The following COPZ1 variants were observed in gnomAD, a reference collection of about 807,000 sequenced individuals.
COPZ1 encodes the protein coatomer subunit zeta-1.
A neutral mutation model predicts 31.7 loss-of-function variants in COPZ1; 4 were observed. That is an observed-to-expected ratio of 0.13 (90% confidence interval 0.06 to 0.29). The LOEUF is 0.29. COPZ1 is among the 10% of genes least tolerant of loss of function. The probability of loss-of-function intolerance (pLI) is 1.00; values close to 1 mark genes in which losing one functional copy is unlikely to be tolerated. For synonymous variants in COPZ1, 74 were observed against 79.0 expected (o/e 0.94, Z 0.33); for missense variants, 156 against 211.5 (o/e 0.74, Z 1.63).
At chr12:54,342,365 A>G (rs1390685467) in intron 3 of COPZ1, 78 bp downstream of exon 3, 1 of 1,039,956 alleles carries the variant, frequency 9.6e-7, no homozygotes, top group Non-Finnish European at 1.5e-6. Flanking sequence ...GGCTGCAGAG[A>G]AAGGATGAAA....
intron 7 of COPZ1, 72 bp downstream of exon 7, chr12:54,348,123 T>C: frequency 2.1e-6 from 3 of 1,400,532 alleles, no homozygotes; most frequent in Non-Finnish European, 3.0e-6. Flanking sequence ...ACCTGCTGGA[T>C]GTGTCCAGTA....
intron 4 of COPZ1, among the ~76,000 whole-genome samples, chr12:54,343,709 T>A (rs1048233306): frequency 6.6e-6 from 1 of 152,196 alleles, no homozygotes; most frequent in Non-Finnish European, 1.5e-5. Context: ...ACATTCTGAA[T>A]GGATCACTGG....
chr12:54,340,719 A>G lies in COPZ1; in HGVS notation c.87+104A>G, dbSNP rs906085012. ...TTAACTTATGTTCCTCAGTAGTATA[A>G]TTTTGAGAATACTTCCATCTTTTTT... On this transcript the variant is annotated intron_variant, in intron 2 of 8. Coordinates refer to ENST00000262061, the MANE Select transcript of COPZ1 (RefSeq NM_016057.3). The G allele has an allele frequency of 7.6e-6, 9 of 1,180,926 alleles. No homozygotes were observed. The South Asian group carries it at 1.2e-4, about 16-fold the overall frequency. The allele number at this position is 1,180,926 out of a possible 1,614,324, so 73.2% of individuals were successfully genotyped here. A position where few individuals can be genotyped will look rare whatever the true frequency, so the allele number is the denominator to read the frequency against.
chr12:54,349,048 C>T (rs1163878851), intron 7 of COPZ1, among the ~76,000 whole-genome samples: 1 of 152,206 alleles, frequency 6.6e-6, no homozygotes, highest in Admixed American at 6.5e-5. Context: ...TGGGAAATCT[C>T]TCTTAACTGC....
rs1954090142 is a variant in COPZ1 at position 54,347,810 on chromosome 12, C to G, written c.361C>G (p.Leu121Val). Residue 121 changes from leucine (L) to valine (V), a missense_variant, in exon 6 of 9, where the codon CTG becomes GTG. Physicochemically the swap from Leu to Val is conservative, Grantham distance 32. Coordinates refer to ENST00000262061, the MANE Select transcript of COPZ1 (RefSeq NM_016057.3). ...AGCACTGCTGGAGAACATGGAGGGGCTGTTCTTGGCTGTGGATGAAATTGT... is the reference window on the plus strand; with the variant it reads ...AGCACTGCTGGAGAACATGGAGGGGGTGTTCTTGGCTGTGGATGAAATTGT... Reference protein sequence around the residue: ...KRALLENMEGLFLAVDEIVDG... With the variant: ...KRALLENMEGVFLAVDEIVDG... 1 of 1,612,256 alleles carries G rather than the reference C, an allele frequency of 6.2e-7. No individual in the cohort carries two copies. Among genetic ancestry groups the G allele is most frequent in the African/African-American group, 1.3e-5 (1 of 74,866 alleles).
Position 54,347,997 on chromosome 12 carries a change from C to A in COPZ1, c.396-3C>A. The stretch of plus-strand genomic sequence containing the variant: ...AACAATGATCTCTTCTTTGTTTTTG[C>A]AGGGTGATCCTAGAGAGTGATCCCC... On this transcript the variant is annotated splice_polypyrimidine_tract_variant and splice_region_variant and intron_variant, in intron 6 of 8. Transcript: ENST00000262061. 6.2e-7 allele frequency: 1 copy of A among 1,613,706 alleles called. No homozygotes were observed. Among genetic ancestry groups the A allele is most frequent in the Non-Finnish European group, 8.5e-7 (1 of 1,179,802 alleles).
At chr12:54,336,840 G>A (rs1015339637) in intron 1 of COPZ1, among the ~76,000 whole-genome samples, 1 of 151,688 alleles carries the variant, frequency 6.6e-6, no homozygotes, top group African/African-American at 2.4e-5. Context: ...TGGCCAATTT[G>A]GTGAAACCCC....
intron 1 of COPZ1, among the ~76,000 whole-genome samples, chr12:54,327,156 T>G (rs1953671065): frequency 6.6e-6 from 1 of 151,248 alleles, no homozygotes; most frequent in South Asian, 2.1e-4. Flanking sequence ...AATTTTTGTA[T>G]TTTTAGTAGA....
chr12:54,337,659 G>C (rs1953897318), intron 1 of COPZ1, among the ~76,000 whole-genome samples: 1 of 152,204 alleles, frequency 6.6e-6, no homozygotes, highest in African/African-American at 2.4e-5. Flanking sequence ...GAAGCTGCTG[G>C]CTCCAGCTGT....
At chr12:54,348,110 C>T (rs1446384366) in intron 7 of COPZ1, 59 bp downstream of exon 7, 42 of 1,518,612 alleles carry the variant, frequency 2.8e-5, no homozygotes, top group Non-Finnish European at 3.6e-5. Context: ...CCTCCAGAGC[C>T]AGACCTGCTG....
chr12:54,342,735 T>A (rs1199235174), intron 3 of COPZ1: 2 of 177,140 alleles, frequency 1.1e-5, no homozygotes, highest in African/African-American at 4.8e-5. Context: ...AAGTTCATAC[T>A]TCTCTTCTCC....
chr12:54,328,930 T>G (rs1044617889), intron 1 of COPZ1, among the ~76,000 whole-genome samples: 4 of 152,210 alleles, frequency 2.6e-5, no homozygotes, highest in Non-Finnish European at 5.9e-5. Flanking sequence ...TTTGCATTGA[T>G]TGTGGAATTT....
intron 1 of COPZ1, among the ~76,000 whole-genome samples, chr12:54,337,019 C>CA (rs1182592654): frequency 0.082 from 5,005 of 61,308 alleles, 324 homozygotes; most frequent in East Asian, 0.11. Flanking sequence ...GAGACTGTCG[C>CA]AAAAAAAAAA....
chr12:54,334,038 G>T (rs150149952), intron 1 of COPZ1, among the ~76,000 whole-genome samples: 2 of 152,096 alleles, frequency 1.3e-5, no homozygotes, highest in Non-Finnish European at 1.5e-5. Context: ...TGAGGCTGCA[G>T]TGAGCTGTGA....
intron 8 of COPZ1, chr12:54,350,233 TC>T: frequency 1.9e-5 from 13 of 700,172 alleles, no homozygotes; most frequent in Admixed American, 8.2e-5. Flanking sequence ...TTTTTTTTTT[TC>T]TTTTATACCA....
chr12:54,346,461 C>T, intron 5 of COPZ1: 1 of 485,024 alleles, frequency 2.1e-6, no homozygotes, highest in Non-Finnish European at 3.8e-6. Context: ...TTAGTGGAGA[C>T]AGGGTTTTAC....
intron 1 of COPZ1, among the ~76,000 whole-genome samples, chr12:54,339,341 T>C (rs1161805994): frequency 6.6e-6 from 1 of 151,974 alleles, no homozygotes. Flanking sequence ...CTCCACACTT[T>C]TGGTTTTTTC....
chr12:54,339,296 G>A (rs1461497875), intron 1 of COPZ1, among the ~76,000 whole-genome samples: 1 of 151,316 alleles, frequency 6.6e-6, no homozygotes, highest in Non-Finnish European at 1.5e-5. Context: ...AGGAATGTGA[G>A]GCTGCAAATA....
chr12:54,348,148 GAT>G, intron 7 of COPZ1, 97 bp downstream of exon 7: 1 of 1,022,322 alleles, frequency 9.8e-7, no homozygotes, highest in East Asian at 2.4e-5. Context: ...GGGCTCATAG[GAT>G]ACATACAACC....
Sources: gnomAD v4.1 joint callset for allele counts (sites outside exome capture counted in the v4.1 genomes callset) on GRCh38, gnomAD v4.1.1 for gene constraint, MANE v1.5 for transcripts, NCBI Gene and HGNC (gene_info 2026-07-23, HGNC 2026-07-21) for gene names.